The following HSPG2 variants were observed in gnomAD, a reference collection of about 807,000 sequenced individuals.
HSPG2 encodes basement membrane-specific heparan sulfate proteoglycan core protein.
In HSPG2, 278 loss-of-function variants were observed where a neutral mutation model predicts 526.6. The observed-to-expected ratio is 0.53, with a 90% CI of 0.48 to 0.58. The LOEUF is 0.58. Ranked by LOEUF, HSPG2 falls within the 20% of genes least tolerant of loss-of-function variation. HSPG2 has a pLI of 0.00. For missense variants in HSPG2, 5,354 were observed against 6,099.5 expected, an observed-to-expected ratio of 0.88 and a Z score of 4.07; for synonymous variants, 2,465 against 2,555.4, an observed-to-expected ratio of 0.96 and a Z score of 1.07.
Position 21,822,496 on chromosome 1 carries a change from G to C in HSPG2, c.*820C>G, listed in dbSNP as rs1452239210. 2 of 432,178 alleles carry C rather than the reference G, an allele frequency of 4.6e-6. No homozygotes were observed. The highest frequency in any genetic ancestry group is 4.0e-5 in the African/African-American group (2 of 49,662). 26.8% of individuals were successfully genotyped at this position (432,178 alleles called of 1,614,324 possible). A position where few individuals can be genotyped will look rare whatever the true frequency, so the allele number is the denominator to read the frequency against. On this transcript the variant is annotated 3_prime_UTR_variant, in exon 97 of 97. Transcript: ENST00000374695. ...TCCTGAGCACCAGCGGCATCCGTCCGTCCGTTGTCTGTTGGAGGAGTCCCT... is the reference window on the plus strand; with the variant it reads ...TCCTGAGCACCAGCGGCATCCGTCCCTCCGTTGTCTGTTGGAGGAGTCCCT...
chr1:21,861,631 A>G, intron 39 of HSPG2, 126 bp downstream of exon 39: 1 of 883,246 alleles, frequency 1.1e-6, no homozygotes, highest in Non-Finnish European at 1.8e-6. Context: ...GTGTCTTAGA[A>G]GTGTTTGAGG....
In HSPG2 at chr1:21,852,089, T is replaced by A; in HGVS notation, c.6869A>T (p.Gln2290Leu). 6.2e-7 allele frequency: 1 copy of A among 1,613,432 alleles called. No individual in the cohort carries two copies. The highest frequency in any genetic ancestry group is 8.5e-7 in the Non-Finnish European group (1 of 1,180,006). The change falls in exon 53 of 97, where the codon CAG (glutamine) becomes CTG (leucine). Residue 2290 changes from glutamine (Q) to leucine (L), a missense_variant and splice_region_variant. Gln to Leu is a moderately radical substitution (Grantham distance 113). Transcript: ENST00000374695. ...KRGGSLPARH[Q>L]VRGSRLYIFQ... ...TCCCACATTCTTGGTGCCCTGTACC[T>A]GGTGCCGGGCAGGGAGGCTGCCCCC...
At position 21,877,915 on chromosome 1, in the gene HSPG2, GC is replaced by G. The variant is rs143389294; in HGVS notation, c.2685+270del. On this transcript the variant is annotated intron_variant, in intron 21 of 96. Coordinates refer to ENST00000374695, the MANE Select transcript of HSPG2 (RefSeq NM_005529.7). Reference sequence around the variant, plus strand: ...TCAATGTGACAATGGACAAAGTATGGCAAAAGCAAAGGTACAATGCAGATAC... The same window carrying G: ...TCAATGTGACAATGGACAAAGTATGGAAAAGCAAAGGTACAATGCAGATAC... Among the ~76,000 whole-genome samples the G allele has an allele frequency of 2.7e-3, 416 of 152,338 alleles. 1 individual carries two copies. Among genetic ancestry groups the G allele is most frequent in the African/African-American group, 9.6e-3 (400 of 41,572 alleles).
rs1043468676 is a variant in HSPG2, at chr1:21,823,379, T to C, written c.13113A>G (p.Pro4371=). ...LHSARPGAPP[P]QPLDLQHRAQ... ...CGCGGTGCTGCAGGTCCAGGGGCTG[T>C]GGGGGCGGGGCGCCGGGTCGGGCCG... Residue 4371 remains proline, a synonymous_variant, in exon 97 of 97, where the codon CCA becomes CCG. Coordinates refer to ENST00000374695, the MANE Select transcript of HSPG2 (RefSeq NM_005529.7). 3.2e-6 allele frequency: 5 copies of C among 1,553,352 alleles called. No homozygotes were observed. Among genetic ancestry groups the C allele is most frequent in the Non-Finnish European group, 4.3e-6 (5 of 1,153,864 alleles).
chr1:21,855,738 C>A, intron 45 of HSPG2, 49 bp downstream of exon 45: 1 of 1,607,760 alleles, frequency 6.2e-7, no homozygotes, highest in East Asian at 2.2e-5. Flanking sequence ...CCTCCCCTCC[C>A]ACACCCAGGA....
At position 21,823,112 on chromosome 1, in the gene HSPG2, C is replaced by T; in HGVS notation, c.*204G>A. 4.0e-6 allele frequency: 2 copies of T among 504,604 alleles called. No homozygotes were observed. The allele number at this position is 504,604 out of a possible 1,614,324, so 31.3% of individuals were successfully genotyped here. ...TCTGAGGTGCCCACTCCCATCCAAC[C>T]TGCCTTGCTGGCCAGCCTTGTGGCT... On this transcript the variant is annotated 3_prime_UTR_variant, in exon 97 of 97. Transcript: ENST00000374695.
intron 80 of HSPG2, chr1:21,833,016 G>A (rs566889139): frequency 5.1e-6 from 3 of 585,130 alleles, no homozygotes; most frequent in South Asian, 3.8e-5. Flanking sequence ...GGAGGACTGG[G>A]GGTGATGCCC....
Position 21,860,009 on chromosome 1 carries a change from G to T in HSPG2, c.5015-7C>A. Reference sequence around the variant, plus strand: ...ACCAGTGGGGCTTGGTTTGCTGGGGGTGGGGGCCGGGACAGGAAGGGCCTT... The same window carrying T: ...ACCAGTGGGGCTTGGTTTGCTGGGGTTGGGGGCCGGGACAGGAAGGGCCTT... On this transcript the variant is annotated splice_polypyrimidine_tract_variant and splice_region_variant and intron_variant, in intron 40 of 96. Coordinates refer to ENST00000374695, the MANE Select transcript of HSPG2 (RefSeq NM_005529.7). 6.2e-7 allele frequency: 1 copy of T among 1,609,682 alleles called. No individual in the cohort carries two copies. The highest frequency in any genetic ancestry group is 8.5e-7 in the Non-Finnish European group (1 of 1,178,618).
In HSPG2 at chr1:21,898,067, G is replaced by A. The variant is rs776890578; in HGVS notation, c.64-1757C>T. On this transcript the variant is annotated intron_variant, in intron 1 of 96. Transcript: ENST00000374695. This position sits in a 1 kb window ranked among gnomAD's most constrained non-coding sequence, Gnocchi z 4.0. ...TGCACCCTGTGCTCAATAAATACTT[G>A]AATGAATGAATAAATGAACGGACAA... Among the ~76,000 whole-genome samples, 197 of 152,124 alleles carry A rather than the reference G, an allele frequency of 1.3e-3. 1 individual carries two copies. Among genetic ancestry groups the A allele is most frequent in the Admixed American group, 2.2e-3 (34 of 15,276 alleles).
intron 44 of HSPG2, among the ~76,000 whole-genome samples, chr1:21,856,221 T>A (rs1325873275): frequency 6.6e-6 from 1 of 152,224 alleles, no homozygotes; most frequent in Non-Finnish European, 1.5e-5. Context: ...TGGTCTCTGC[T>A]GTTCCTCAAA....
chr1:21,897,493 G>A (rs1455292631), intron 1 of HSPG2, among the ~76,000 whole-genome samples: 2 of 151,940 alleles, frequency 1.3e-5, no homozygotes, highest in African/African-American at 2.4e-5. Context: ...TATCTCTCAC[G>A]CCGGGCCCTC....
At chr1:21,916,024 C>G (rs1274548614) in intron 1 of HSPG2, among the ~76,000 whole-genome samples, 6 of 146,752 alleles carry the variant, frequency 4.1e-5, no homozygotes. Flanking sequence ...GCATGCCAGC[C>G]TGGGTGACAG....
chr1:21,903,876 C>T (rs1643229603), intron 1 of HSPG2, among the ~76,000 whole-genome samples: 1 of 152,206 alleles, frequency 6.6e-6, no homozygotes, highest in South Asian at 2.1e-4. Context: ...CACTTGACCA[C>T]CAGCCGGTGG....
chr1:21,922,859 AC>A (rs1159549398), intron 1 of HSPG2, among the ~76,000 whole-genome samples: 3 of 151,842 alleles, frequency 2.0e-5, no homozygotes, highest in Non-Finnish European at 4.4e-5. Flanking sequence ...CCCCTCCTCG[AC>A]CCCTACCAGG....
intron 91 of HSPG2, among the ~76,000 whole-genome samples, chr1:21,826,326 C>T (rs2097974295): frequency 6.6e-6 from 1 of 151,970 alleles, no homozygotes; most frequent in Non-Finnish European, 1.5e-5. Flanking sequence ...TGCCTGTCTC[C>T]TGAGTAGCTG....
At chr1:21,880,888 CGTGCCTATGAG>C in intron 14 of HSPG2, 53 bp from the exon 15 acceptor site, 1 of 1,524,842 alleles carries the variant, frequency 6.6e-7, no homozygotes, top group Non-Finnish European at 8.9e-7. Flanking sequence ...CTTGACACCT[CGTGCCTATGAG>C]GTGCCTATAG....
At chr1:21,823,960 G>A (rs1031278248) in intron 95 of HSPG2, 161 bp downstream of exon 95, 16 of 821,962 alleles carry the variant, frequency 1.9e-5, no homozygotes, top group Non-Finnish European at 2.8e-5. Flanking sequence ...AGTTCAGTCC[G>A]AGATGGAAGC....
In HSPG2 at chr1:21,831,339, G is replaced by A. The variant is rs2098002971; in HGVS notation, c.11453-15C>T. 2 of 1,612,082 alleles carry A rather than the reference G, an allele frequency of 1.2e-6. No homozygotes were observed. Among genetic ancestry groups the A allele is most frequent in the African/African-American group, 2.7e-5 (2 of 74,984 alleles). The stretch of plus-strand genomic sequence containing the variant: ...CCGGACACAGCCTGGGAGGTGAGTG[G>A]GCAGGATGAGCACAGGGCAGGGTGT... On this transcript the variant is annotated splice_polypyrimidine_tract_variant and intron_variant, in intron 83 of 96. Transcript: ENST00000374695.
At chr1:21,900,816 C>T (rs1182771598) in intron 1 of HSPG2, among the ~76,000 whole-genome samples, 3 of 151,950 alleles carry the variant, frequency 2.0e-5, no homozygotes, top group Admixed American at 6.6e-5. Flanking sequence ...ACCCAGGAGG[C>T]GGAGGTTGCA....
Sources: allele counts gnomAD v4.1 joint callset (sites outside exome capture counted in the v4.1 genomes callset), GRCh38; gene constraint gnomAD v4.1.1; non-coding constraint Gnocchi (gnomAD v3.1); transcripts MANE v1.5; gene names NCBI Gene and HGNC (gene_info 2026-07-23, HGNC 2026-07-21).